HSP90AA1: variants seen among roughly 807,000 people sequenced by gnomAD.
HSP90AA1 encodes the protein heat shock protein 90 alpha family class A member 1, also known as heat shock protein HSP 90-alpha.
HSP90AA1 carries 18 observed loss-of-function variants against 73.3 expected under a neutral mutation model. The observed-to-expected ratio is 0.25, with a 90% CI of 0.17 to 0.36. HSP90AA1 has a LOEUF of 0.36. Among genes scored for constraint, HSP90AA1 ranks in the 10% least tolerant of loss-of-function variants. HSP90AA1 has a pLI of 1.00. For synonymous variants in HSP90AA1, 477 were observed against 296.9 expected (o/e 1.61, Z -6.24); for missense variants, 704 against 874.2 (o/e 0.81, Z 2.45).
chr14:102,127,260 C>T (rs2049851499), intron 1 of HSP90AA1, among the ~76,000 whole-genome samples: 1 of 152,130 alleles, frequency 6.6e-6, no homozygotes, highest in African/African-American at 2.4e-5. Flanking sequence ...AGATAAAACC[C>T]ACAATGCTCA....
rs779602832 is a variant in HSP90AA1 at position 102,084,512 on chromosome 14, C to T, written c.1034G>A (p.Arg345Gln). 4 of 1,614,026 alleles carry T rather than the reference C, an allele frequency of 2.5e-6. No individual in the cohort carries two copies. Among genetic ancestry groups the T allele is most frequent in the African/African-American group, 2.7e-5 (2 of 74,924 alleles). ...TTCAAACAGATCAAAAGGAGCACGT[C>T]GTGGGACAAATAGAAGGGCTCTGAA... ...LEFRALLFVPRRAPFDLFENR... is the reference protein window; with the variant it reads ...LEFRALLFVPQRAPFDLFENR... Residue 345 changes from arginine to glutamine, a missense_variant, in exon 6 of 11, where the codon CGA becomes CAA. Transcript: ENST00000216281.
intron 3 of HSP90AA1, 157 bp downstream of exon 3, chr14:102,085,601 C>T: frequency 1.6e-6 from 2 of 1,276,286 alleles, no homozygotes. Context: ...GAACCGCCCA[C>T]CAAGTCATGC....
In HSP90AA1 at chr14:102,087,013, C is replaced by G. The variant is rs17554423; in HGVS notation, c.-28G>C. On this transcript the variant is annotated 5_prime_UTR_variant, in exon 1 of 11. Coordinates refer to ENST00000216281, the MANE Select transcript of HSP90AA1 (RefSeq NM_005348.4). ...TGGCTAAGTGACCGCACAGGACCAA[C>G]GGCACAGCCACACCGGGACGCTGAA... 9.1e-6 allele frequency: 9 copies of G among 985,320 alleles called. No homozygotes were observed. The East Asian group carries it at 3.4e-4, about 37-fold the overall frequency. 61.0% of individuals were successfully genotyped at this position (985,320 alleles called of 1,614,324 possible). A position where few individuals can be genotyped will look rare whatever the true frequency, so the allele number is the denominator to read the frequency against.
chr14:102,088,288 G>A (rs2152614960), upstream of HSP90AA1, among the ~76,000 whole-genome samples: 1 of 152,314 alleles, frequency 6.6e-6, no homozygotes, highest in Non-Finnish European at 1.5e-5. Context: ...CCTAGTCCAT[G>A]TCCTCTTCCT....
rs77624730 is a variant in HSP90AA1, at chr14:102,100,214, A to G, written c.366+1661T>C. Among the ~76,000 whole-genome samples the G allele has an allele frequency of 9.3e-3, 1,418 of 152,278 alleles. 22 individuals are homozygous for G. The highest frequency in any genetic ancestry group is 0.033 in the African/African-American group (1,351 of 41,552). On this transcript the variant is annotated intron_variant, in intron 2 of 11. Coordinates refer to the HSP90AA1 transcript ENST00000334701. ...AAAAAAAAAGAACTATAAATATTCAAAACAATTATTATGTAAAAATTTTCT... is the reference window on the plus strand; with the variant it reads ...AAAAAAAAAGAACTATAAATATTCAGAACAATTATTATGTAAAAATTTTCT...
intron 1 of HSP90AA1, among the ~76,000 whole-genome samples, chr14:102,117,966 G>A (rs75105881): frequency 6.6e-6 from 1 of 152,192 alleles, no homozygotes; most frequent in Non-Finnish European, 1.5e-5. Context: ...TGGTCCAGCT[G>A]CAGCCTTGTA....
At position 102,084,517 on chromosome 14, in the gene HSP90AA1, G is replaced by A. The variant is rs369191827; in HGVS notation, c.1029C>T (p.Val343=). ...ACAGATCAAAAGGAGCACGTCGTGGGACAAATAGAAGGGCTCTGAATTCCA... is the reference window on the plus strand; with the variant it reads ...ACAGATCAAAAGGAGCACGTCGTGGAACAAATAGAAGGGCTCTGAATTCCA... ...GQLEFRALLF[V]PRRAPFDLFE... is the part of the protein sequence containing the mutation. The change falls in exon 6 of 11, where the codon GTC becomes GTT. Residue 343 remains valine (V), a synonymous_variant. Transcript: ENST00000216281. 4 of 1,614,134 alleles carry A rather than the reference G, an allele frequency of 2.5e-6. No homozygotes were observed.
intron 1 of HSP90AA1, among the ~76,000 whole-genome samples, chr14:102,119,926 A>G (rs1489233453): frequency 2.6e-5 from 4 of 152,174 alleles, no homozygotes; most frequent in African/African-American, 9.7e-5. Context: ...TGGGTTGGAG[A>G]ATGAAATTAA....
In HSP90AA1 at chr14:102,081,710, G is replaced by A. The variant is rs780659343; in HGVS notation, c.*2C>T. ...ACAGGTAAGTCATCCCTCAGCCAGA[G>A]ATTAGTCTACTTCTTCCATGCGTGA... On this transcript the variant is annotated 3_prime_UTR_variant, in exon 11 of 11. Coordinates refer to ENST00000216281, the MANE Select transcript of HSP90AA1 (RefSeq NM_005348.4). The A allele has an allele frequency of 2.3e-6, 3 of 1,325,084 alleles. No homozygotes were observed. Among genetic ancestry groups the A allele is most frequent in the Non-Finnish European group, 2.2e-6 (2 of 916,054 alleles). The allele number at this position is 1,325,084 out of a possible 1,614,324, so 82.1% of individuals were successfully genotyped here. A position where few individuals can be genotyped will look rare whatever the true frequency, so the allele number is the denominator to read the frequency against.
At chr14:102,089,367 C>T (rs1008884526), upstream of HSP90AA1, among the ~76,000 whole-genome samples, 1 of 152,192 alleles carries the variant, frequency 6.6e-6, no homozygotes, top group Non-Finnish European at 1.5e-5. Flanking sequence ...TCCCTTCTTC[C>T]TTCCACAACT....
chr14:102,129,114 T>C (rs1024111100), intron 1 of HSP90AA1, among the ~76,000 whole-genome samples: 3 of 150,476 alleles, frequency 2.0e-5, no homozygotes, highest in Non-Finnish European at 2.9e-5. Flanking sequence ...GCACTATAGA[T>C]AGAGTGGCTC....
chr14:102,089,523 C>T (rs1426144196), upstream of HSP90AA1, among the ~76,000 whole-genome samples: 1 of 152,238 alleles, frequency 6.6e-6, no homozygotes, highest in African/African-American at 2.4e-5. Flanking sequence ...TTCCTTCTCT[C>T]TTCTCAGACT....
At position 102,084,674 on chromosome 14, in the gene HSP90AA1, C is replaced by A. The variant is rs2152611471; in HGVS notation, c.981+7G>T. On this transcript the variant is annotated splice_region_variant and intron_variant, in intron 5 of 10. Transcript: ENST00000216281. ...GGACAAGCTTGAAGCACCCATCAGTCACTCACCTTCACTGCCAAGTGATCT... is the reference window on the plus strand; with the variant it reads ...GGACAAGCTTGAAGCACCCATCAGTAACTCACCTTCACTGCCAAGTGATCT... 6.2e-7 allele frequency: 1 copy of A among 1,613,766 alleles called. No homozygotes were observed. The highest frequency in any genetic ancestry group is 1.7e-5 in the Admixed American group (1 of 59,994).
rs552020569 is a variant in HSP90AA1, at chr14:102,128,906, A to G, written c.155+10344T>C. Among the ~76,000 whole-genome samples the G allele has an allele frequency of 3.0e-4, 46 of 152,308 alleles. 1 individual carries two copies. The highest frequency in any genetic ancestry group is 6.8e-3 in the Middle Eastern group (2 of 294). On this transcript the variant is annotated intron_variant, in intron 1 of 11. Coordinates refer to the HSP90AA1 transcript ENST00000334701. Reference sequence around the variant, plus strand: ...GAAGGGAGGTATAAGTTGGAAGGTAAGAAATGAGAAAGGTTTATGCCTTAC... The same window carrying G: ...GAAGGGAGGTATAAGTTGGAAGGTAGGAAATGAGAAAGGTTTATGCCTTAC...
At chr14:102,093,052 G>A (rs1309114671) in intron 2 of HSP90AA1, among the ~76,000 whole-genome samples, 1 of 152,036 alleles carries the variant, frequency 6.6e-6, no homozygotes, top group Non-Finnish European at 1.5e-5. Flanking sequence ...GCCAACAGCT[G>A]TTTTTAAATA....
At chr14:102,097,821 C>T (rs1215814432) in intron 2 of HSP90AA1, among the ~76,000 whole-genome samples, 1 of 152,182 alleles carries the variant, frequency 6.6e-6, no homozygotes, top group African/African-American at 2.4e-5. Context: ...CACCTTGTCA[C>T]GAATGGGTTG....
At chr14:102,089,214 C>G (rs1420454736), upstream of HSP90AA1, among the ~76,000 whole-genome samples, 1 of 152,246 alleles carries the variant, frequency 6.6e-6, no homozygotes, top group African/African-American at 2.4e-5. Context: ...AGCCACGGCG[C>G]CCGGCCAGCT....
chr14:102,118,301 C>T (rs903761839), intron 1 of HSP90AA1, among the ~76,000 whole-genome samples: 15 of 152,164 alleles, frequency 9.9e-5, no homozygotes, highest in African/African-American at 3.6e-4. Context: ...TAAAAAACCA[C>T]TTTTTAATGT....
At chr14:102,082,013 G>A (rs1397616077) in intron 10 of HSP90AA1, 98 bp downstream of exon 10, 3 of 887,042 alleles carry the variant, frequency 3.4e-6, no homozygotes, top group Non-Finnish European at 5.6e-6. Flanking sequence ...CAGCAAGCAG[G>A]ACAAGGTGCT....
Sources: gnomAD v4.1 joint callset for allele counts (sites outside exome capture counted in the v4.1 genomes callset) on GRCh38, gnomAD v4.1.1 for gene constraint, MANE v1.5 for transcripts, NCBI Gene and HGNC (gene_info 2026-07-23, HGNC 2026-07-21) for gene names.